Variants in NWD1 observed in about 807,000 individuals in gnomAD.
The protein encoded by NWD1 is NACHT domain- and WD repeat-containing protein 1.
A neutral mutation model predicts 135.1 loss-of-function variants in NWD1; 129 were observed. The ratio of observed to expected loss-of-function variants is 0.96; its 90% CI spans 0.83 to 1.11. NWD1 has a LOEUF of 1.11. NWD1 is among the 50% of genes least tolerant of loss of function. The pLI, the probability that NWD1 is intolerant of heterozygous loss-of-function variation, is 0.00. For synonymous variants in NWD1, 773 were observed against 786.0 expected (o/e 0.98, Z 0.28); for missense variants, 1,740 against 1,851.3 (o/e 0.94, Z 1.10).
intron 12 of NWD1, among the ~76,000 whole-genome samples, chr19:16,785,895 C>T (rs1255186705): frequency 6.6e-6 from 1 of 151,376 alleles, no homozygotes; most frequent in Non-Finnish European, 1.5e-5. Context: ...GATAGAGTCC[C>T]ACTCTGTCGC....
intron 18 of NWD1, 29 bp downstream of exon 18, chr19:16,808,165 C>G: frequency 6.3e-7 from 1 of 1,599,038 alleles, no homozygotes; most frequent in South Asian, 1.1e-5. Flanking sequence ...CATGTTCATG[C>G]TAGACCCAGG....
intron 6 of NWD1, 48 bp from the exon 7 acceptor site, chr19:16,759,177 G>A (rs768544050): frequency 6.7e-7 from 1 of 1,493,762 alleles, no homozygotes; most frequent in Admixed American, 1.7e-5. Context: ...TCCTCCAAAT[G>A]CAGAAGACAT....
Position 16,807,641 on chromosome 19 carries a change from T to C in NWD1, c.3792T>C (p.Ala1264=). 6.4e-7 allele frequency: 1 copy of C among 1,567,228 alleles called. No individual in the cohort carries two copies. Among genetic ancestry groups the C allele is most frequent in the Non-Finnish European group, 8.6e-7 (1 of 1,159,932 alleles). Residue 1264 remains alanine (A), a synonymous_variant, in exon 18 of 19, where the codon GCT becomes GCC. Coordinates refer to ENST00000524140, the MANE Select transcript of NWD1 (RefSeq NM_001007525.5). ...GTGAGATCAGGTGTCTGGAGGTTGC[T>C]GAGCAGCGCAAGCTCCTATTTACGG... ...TSSEIRCLEV[A]EQRKLLFTGL... is the part of the protein sequence containing the mutation.
chr19:16,806,952 G>A (rs1001645710), intron 17 of NWD1, among the ~76,000 whole-genome samples: 1 of 151,982 alleles, frequency 6.6e-6, no homozygotes, highest in African/African-American at 2.4e-5. Context: ...GGGAGGCAGA[G>A]GTTACAGTGA....
At chr19:16,759,855 G>A (rs933166518) in intron 7 of NWD1, among the ~76,000 whole-genome samples, 7 of 152,124 alleles carry the variant, frequency 4.6e-5, no homozygotes, top group Middle Eastern at 6.8e-3. Flanking sequence ...TTAGCCAGAC[G>A]CGGTGGCACG....
intron 2 of NWD1, among the ~76,000 whole-genome samples, chr19:16,729,896 AAGAG>A (rs917432112): frequency 1.3e-5 from 2 of 149,262 alleles, no homozygotes; most frequent in Non-Finnish European, 3.0e-5. Flanking sequence ...AAAGAAAAGA[AAGAG>A]AGAGAGAAGG....
intron 6 of NWD1, among the ~76,000 whole-genome samples, chr19:16,753,796 T>C (rs1831515798): frequency 6.6e-6 from 1 of 151,880 alleles, no homozygotes. Flanking sequence ...CATCCATCCA[T>C]CAATCCCTCC....
chr19:16,759,129 C>A (rs1189614389), intron 6 of NWD1, 96 bp from the exon 7 acceptor site: 1 of 971,416 alleles, frequency 1.0e-6, no homozygotes, highest in Admixed American at 1.7e-5. Context: ...CTGGACACCG[C>A]GCGGGTGGCT....
intron 9 of NWD1, among the ~76,000 whole-genome samples, 168 bp downstream of exon 9, chr19:16,764,113 C>T (rs946436864): frequency 1.3e-5 from 2 of 152,058 alleles, no homozygotes; most frequent in Middle Eastern, 3.2e-3. Context: ...TTACAGTGTC[C>T]GCAGATAGTT....
chr19:16,737,985 GAAAA>G (rs1450754347), intron 4 of NWD1, among the ~76,000 whole-genome samples: 1 of 150,150 alleles, frequency 6.7e-6, no homozygotes, highest in African/African-American at 2.5e-5. Context: ...GAAAAGAAAA[GAAAA>G]GAAAAGAAAA....
rs1417854889 is a variant in NWD1, at chr19:16,736,681, CT to C, written c.131del (p.Leu44Ter). 2.5e-5 allele frequency: 39 copies of C among 1,536,156 alleles called. No homozygotes were observed. The highest frequency in any genetic ancestry group is 3.1e-5 in the Non-Finnish European group (36 of 1,146,912). Reference sequence around the variant, plus strand: ...TTCGGAACATTGAAGCCACTGACCACTTGACCACAGAACTCTGCTTGGAGGA... The same window carrying C: ...TTCGGAACATTGAAGCCACTGACCACTGACCACAGAACTCTGCTTGGAGGA... ...GIRNIEATDH[L>X]TTELCLEEVD... is the part of the protein sequence containing the mutation. On this transcript the variant is annotated frameshift_variant, in exon 4 of 19. Transcript: ENST00000524140. LOFTEE classifies it high-confidence loss of function.
rs1969395934 is a variant in NWD1 at position 16,771,070 on chromosome 19, CAGA to C, written c.2411-2053_2411-2051del. On this transcript the variant is annotated intron_variant, in intron 10 of 18. Transcript: ENST00000524140. ...ATCCCAGCACTTTGGGAGGCCCAGA[CAGA>C]AGGATTGCTAGAGGGCAGGAGTTCA... Among the ~76,000 whole-genome samples the C allele has an allele frequency of 2.0e-5, 3 of 152,080 alleles. No individual in the cohort carries two copies. The South Asian group carries it at 6.2e-4, about 31-fold the overall frequency.
At chr19:16,767,046 A>C (rs1256549608) in intron 10 of NWD1, among the ~76,000 whole-genome samples, 1 of 152,200 alleles carries the variant, frequency 6.6e-6, no homozygotes, top group Non-Finnish European at 1.5e-5. Flanking sequence ...TCACACTGCT[A>C]TAAAGAAACA....
chr19:16,799,555 TGCGTGCAA>T (rs1377337969), intron 16 of NWD1, among the ~76,000 whole-genome samples: 1 of 151,740 alleles, frequency 6.6e-6, no homozygotes, highest in Non-Finnish European at 1.5e-5. Flanking sequence ...TGCCCAGGCT[TGCGTGCAA>T]TGGCACGATC....
chr19:16,732,672 A>G (rs1568334975), intron 3 of NWD1, among the ~76,000 whole-genome samples: 2 of 142,952 alleles, frequency 1.4e-5, no homozygotes, highest in South Asian at 2.2e-4. Context: ...AAAAAAAAGA[A>G]AAAGTGAAAA....
chr19:16,722,702 T>C (rs753146369), intron 1 of NWD1, among the ~76,000 whole-genome samples: 2 of 151,840 alleles, frequency 1.3e-5, no homozygotes, highest in African/African-American at 4.8e-5. Flanking sequence ...GCCCTTGGAA[T>C]GGGATAAGGG....
intron 11 of NWD1, 46 bp from the exon 12 acceptor site, chr19:16,779,297 G>A (rs1307505079): frequency 6.2e-7 from 1 of 1,611,458 alleles, no homozygotes; most frequent in African/African-American, 1.3e-5. Context: ...CTGAATACTT[G>A]GACACAGGAA....
intron 18 of NWD1, among the ~76,000 whole-genome samples, chr19:16,808,540 GT>G (rs902869799): frequency 8.1e-5 from 12 of 148,786 alleles, no homozygotes; most frequent in Non-Finnish European, 1.8e-4. Context: ...CAGACACTCC[GT>G]TTAAAAAAAA....
At chr19:16,790,970 A>G (rs1599538908) in intron 13 of NWD1, among the ~76,000 whole-genome samples, 1 of 152,240 alleles carries the variant, frequency 6.6e-6, no homozygotes, top group East Asian at 1.9e-4. Context: ...AGTGGCTCAC[A>G]CTCATAATCC....
Sources: gnomAD v4.1 joint callset for allele counts (sites outside exome capture counted in the v4.1 genomes callset) on GRCh38, gnomAD v4.1.1 for gene constraint, MANE v1.5 for transcripts, NCBI Gene and HGNC (gene_info 2026-07-23, HGNC 2026-07-21) for gene names.